Variants in GRK1 observed in about 807,000 individuals in gnomAD.
GRK1 encodes the protein G protein-coupled receptor kinase 1, also known as rhodopsin kinase GRK1.
GRK1 carries 28 observed loss-of-function variants against 41.7 expected under a neutral mutation model. The ratio of observed to expected loss-of-function variants is 0.67; its 90% confidence interval spans 0.50 to 0.92. The LOEUF (loss-of-function observed/expected upper bound fraction) is 0.92, where lower values mean the gene tolerates loss of function less well. GRK1 is among the 40% of genes least tolerant of loss of function. The pLI is 0.00. For missense variants in GRK1, 703 were observed against 671.2 expected, an observed-to-expected ratio of 1.05 and a Z score of -0.52; for synonymous variants, 327 against 286.7, an observed-to-expected ratio of 1.14 and a Z score of -1.42.
rs66548486 is a variant in GRK1, at chr13:113,671,368, TA to T, written c.828-130del. 9.1e-3 allele frequency: 6,308 copies of T among 694,546 alleles called. 39 individuals carry two copies. Among genetic ancestry groups the T allele is most frequent in the Non-Finnish European group, 0.013 (4,978 of 380,850 alleles). 43.0% of individuals were successfully genotyped at this position (694,546 alleles called of 1,614,324 possible). On this transcript the variant is annotated intron_variant, in intron 2 of 6. Transcript: ENST00000335678. The surrounding 1 kb of genome is among the most constrained non-coding windows in gnomAD (Gnocchi z 4.1). ...CCTTCGGGTGTCCTCTGCAGGGACG[TA>T]GGGGGGCCAGGCCTCAAAACGACCA...
Position 113,667,886 on chromosome 13 carries a change from G to A in GRK1, c.500G>A (p.Gly167Asp), listed in dbSNP as rs775970508. 1 of 1,597,130 alleles carries A rather than the reference G, an allele frequency of 6.3e-7. No homozygotes were observed. Among genetic ancestry groups the A allele is most frequent in the Non-Finnish European group, 8.5e-7 (1 of 1,170,826 alleles). ...CAAGCCCCCTTCCAGGAGTACCTGGGCAGCCTGTACTTCCTGAGGTTCCTG... is the reference window on the plus strand; with the variant it reads ...CAAGCCCCCTTCCAGGAGTACCTGGACAGCCTGTACTTCCTGAGGTTCCTG... ...LGQAPFQEYL[G>D]SLYFLRFLQW... Residue 167 changes from glycine to aspartate, a missense_variant, in exon 1 of 7, where the codon GGC becomes GAC. Transcript: ENST00000335678. This position sits in a 1 kb window ranked among gnomAD's most constrained non-coding sequence, Gnocchi z 7.5.
At position 113,731,147 on chromosome 13, in the gene GRK1, C is replaced by T. The variant is rs1261819826; in HGVS notation, c.1070-72C>T. On this transcript the variant is annotated intron_variant, in intron 4 of 6. Coordinates refer to ENST00000335678, the MANE Select transcript of GRK1 (RefSeq NM_002929.3). This position sits in a 1 kb window ranked among gnomAD's most constrained non-coding sequence, Gnocchi z 5.6. ...GGGGATGCATCCCCAGAGCATCAGT[C>T]CTGCGATTCCTGGAGTGCGTGCCCA... 1 of 1,504,040 alleles carries T rather than the reference C, an allele frequency of 6.6e-7. No individual in the cohort carries two copies. The highest frequency in any genetic ancestry group is 8.9e-7 in the Non-Finnish European group (1 of 1,126,434). The allele number at this position is 1,504,040 out of a possible 1,614,324, so 93.2% of individuals were successfully genotyped here.
Position 113,671,566 on chromosome 13 carries a change from G to A in GRK1, c.895G>A (p.Ala299Thr). ...FPEPRALFYT[A>T]QIICGLEHLH... ...GGAGCCGCGCGCCCTCTTCTACACG[G>A]CGCAGATCATCTGCGGCCTGGAGCA... The change falls in exon 3 of 7, where the codon GCG becomes ACG. Residue 299 changes from alanine (A) to threonine (T), a missense_variant. Ala to Thr is a moderately conservative substitution (Grantham distance 58, BLOSUM62 0). Coordinates refer to ENST00000335678, the MANE Select transcript of GRK1 (RefSeq NM_002929.3). This position sits in a 1 kb window ranked among gnomAD's most constrained non-coding sequence, Gnocchi z 4.1. 1.3e-6 allele frequency: 1 copy of A among 777,616 alleles called. No individual in the cohort carries two copies. 48.2% of individuals were successfully genotyped at this position (777,616 alleles called of 1,614,324 possible).
intron 6 of GRK1, 33 bp downstream of exon 6, chr13:113,733,118 G>T: frequency 6.6e-7 from 1 of 1,521,570 alleles, no homozygotes; most frequent in Non-Finnish European, 8.8e-7. Context: ...CGGAGAGGGT[G>T]GGGTTCTGTG....
Position 113,735,415 on chromosome 13 carries a change from G to A in GRK1, c.*52G>A. The stretch of plus-strand genomic sequence containing the variant: ...AAAAGGACCCATACGGCTCGATGGG[G>A]GCCGCCTGCCTCCGTGGTGCCAGCC... On this transcript the variant is annotated 3_prime_UTR_variant, in exon 7 of 7. Transcript: ENST00000335678. 2 of 1,425,320 alleles carry A rather than the reference G, an allele frequency of 1.4e-6. No individual in the cohort carries two copies. The highest frequency in any genetic ancestry group is 1.8e-6 in the Non-Finnish European group (2 of 1,090,278). The allele number at this position is 1,425,320 out of a possible 1,614,324, so 88.3% of individuals were successfully genotyped here.
the GRK1 span, among the ~76,000 whole-genome samples, chr13:113,659,030 G>C: frequency 6.6e-6 from 1 of 152,162 alleles, no homozygotes; most frequent in Non-Finnish European, 1.5e-5. Flanking sequence ...GTCACCGGGG[G>C]TCCGGGCAGT....
Position 113,669,706 on chromosome 13 carries a change from A to G in GRK1, c.719A>G (p.Lys240Arg). The change falls in exon 2 of 7, where the codon AAG becomes AGG. Residue 240 changes from lysine to arginine, a missense_variant. Physicochemically the swap from Lys to Arg is conservative, Grantham distance 26. Transcript: ENST00000335678. ...KGYQGAMVEKKILMKVHSRFI... is the reference protein window; with the variant it reads ...KGYQGAMVEKRILMKVHSRFI... ...TTTCAGGGTGCTATGGTGGAGAAGAAGATTCTGATGAAAGTACACAGCAGG... is the reference window on the plus strand; with the variant it reads ...TTTCAGGGTGCTATGGTGGAGAAGAGGATTCTGATGAAAGTACACAGCAGG... 6.2e-7 allele frequency: 1 copy of G among 1,614,004 alleles called. No individual in the cohort carries two copies. Among genetic ancestry groups the G allele is most frequent in the Non-Finnish European group, 8.5e-7 (1 of 1,179,852 alleles).
chr13:113,650,359 A>G, the GRK1 span: 2 of 1,546,546 alleles, frequency 1.3e-6, no homozygotes, highest in Non-Finnish European at 1.8e-6. This position sits in a 1 kb window ranked among gnomAD's most constrained non-coding sequence, Gnocchi z 5.0. Context: ...TAAGTGTGAG[A>G]GGACTCAGCA....
intron 6 of GRK1, among the ~76,000 whole-genome samples, chr13:113,733,697 ATGTGTGCGTGTGTGCGCACGTG>A (rs1566699672): frequency 3.0e-5 from 3 of 101,114 alleles, no homozygotes; most frequent in East Asian, 3.0e-4. Flanking sequence ...GTGTGCATAC[ATGTGTGCGTGTGTGCGCACGTG>A]TGTGTGCGCG....
At chr13:113,662,951 T>C (rs2049798664), upstream of GRK1, among the ~76,000 whole-genome samples, 2 of 152,200 alleles carry the variant, frequency 1.3e-5, no homozygotes, top group Admixed American at 1.3e-4. Flanking sequence ...TATTCTAAAA[T>C]TTATATAGAA....
the GRK1 span, chr13:113,655,029 C>T: frequency 2.2e-4 from 339 of 1,536,836 alleles, 1 homozygote; most frequent in African/African-American, 1.1e-3. Flanking sequence ...CGTGATGTGG[C>T]GTGACCATCT....
the GRK1 span, chr13:113,649,358 C>A: frequency 3.2e-6 from 5 of 1,586,098 alleles, no homozygotes; most frequent in African/African-American, 6.7e-5. The surrounding 1 kb of genome is among the most constrained non-coding windows in gnomAD (Gnocchi z 4.7). Flanking sequence ...TGCCCAGGAC[C>A]CCTGCGCAAA....
At position 113,735,852 on chromosome 13, in the gene GRK1, G is replaced by GC. The variant is rs368600762; in HGVS notation, c.*497dup. 137 of 152,486 alleles carry GC rather than the reference G, an allele frequency of 9.0e-4. 1 individual carries two copies. Among genetic ancestry groups the GC allele is most frequent in the East Asian group, 1.9e-3 (10 of 5,140 alleles). The allele number at this position is 152,486 out of a possible 1,614,324, so 9.4% of individuals were successfully genotyped here. On this transcript the variant is annotated 3_prime_UTR_variant, in exon 7 of 7. Coordinates refer to ENST00000335678, the MANE Select transcript of GRK1 (RefSeq NM_002929.3). ...GCCCCACTGGGGAGGGCTGGACCTCGCCCCCCCCAGGTCCCTCTGTGCAGG... is the reference window on the plus strand; with the variant it reads ...GCCCCACTGGGGAGGGCTGGACCTCGCCCCCCCCCAGGTCCCTCTGTGCAGG...
chr13:113,664,331 AT>A (rs1566691936), upstream of GRK1, among the ~76,000 whole-genome samples: 1 of 152,218 alleles, frequency 6.6e-6, no homozygotes, highest in African/African-American at 2.4e-5. This position sits in a 1 kb window ranked among gnomAD's most constrained non-coding sequence, Gnocchi z 5.4. Flanking sequence ...GCAAGATGTC[AT>A]CATTACAGGA....
At chr13:113,660,555 A>G in the GRK1 span, among the ~76,000 whole-genome samples, 1 of 152,242 alleles carries the variant, frequency 6.6e-6, no homozygotes, top group East Asian at 1.9e-4. Flanking sequence ...ACAAAGAACG[A>G]GGACGATTTT....
chr13:113,733,811 A>G lies in GRK1; in HGVS notation c.1396+726A>G, dbSNP rs375452738. Among the ~76,000 whole-genome samples the G allele has an allele frequency of 9.3e-4, 72 of 77,724 alleles. 1 individual carries two copies. Among genetic ancestry groups the G allele is most frequent in the African/African-American group, 3.6e-3 (68 of 19,044 alleles). The allele number at this position is 77,724 out of a possible 152,430, so 51.0% of individuals were successfully genotyped here. A position where few individuals can be genotyped will look rare whatever the true frequency, so the allele number is the denominator to read the frequency against. ...CATGTGTGTATGTGTATCTGTGTGC[A>G]TACGTGTGTGCGTGTGTGTGCACGT... On this transcript the variant is annotated intron_variant, in intron 6 of 6. Transcript: ENST00000335678.
At chr13:113,656,982 C>T in the GRK1 span, among the ~76,000 whole-genome samples, 1 of 152,216 alleles carries the variant, frequency 6.6e-6, no homozygotes, top group Non-Finnish European at 1.5e-5. Context: ...CCGGTCCCTG[C>T]CTCTCTAGGA....
chr13:113,654,621 T>TA, the GRK1 span, among the ~76,000 whole-genome samples: 2 of 152,258 alleles, frequency 1.3e-5, no homozygotes, highest in African/African-American at 4.8e-5. Flanking sequence ...GTGCTGCTCT[T>TA]AAAGCCGGTT....
At chr13:113,653,371 T>C in the GRK1 span, 3 of 1,614,076 alleles carry the variant, frequency 1.9e-6, no homozygotes, top group African/African-American at 1.3e-5. Context: ...GGTTCTGTTA[T>C]CAGAGACGTT....
Sources: gnomAD v4.1 joint callset for allele counts (sites outside exome capture counted in the v4.1 genomes callset) on GRCh38, gnomAD v4.1.1 for gene constraint, Gnocchi (gnomAD v3.1) non-coding constraint, MANE v1.5 for transcripts, NCBI Gene and HGNC (gene_info 2026-07-23, HGNC 2026-07-21) for gene names.